Variants in AGK observed in about 807,000 individuals in gnomAD.
AGK encodes the protein acylglycerol kinase.
Under a neutral mutation model 66.4 loss-of-function variants are expected in AGK, and 52 were observed. The observed-to-expected ratio is 0.78, with a 90% CI of 0.63 to 0.99. The LOEUF is 0.99. Ranked by LOEUF, AGK falls within the 50% of genes least tolerant of loss-of-function variation. The probability of loss-of-function intolerance (pLI) is 0.00; values close to 1 mark genes in which losing one functional copy is unlikely to be tolerated. For synonymous variants in AGK, 182 were observed against 181.1 expected (o/e 1.00, Z -0.04); for missense variants, 451 against 506.6 (o/e 0.89, Z 1.05).
chr7:141,608,125 AT>A (rs1334907008), intron 5 of AGK, among the ~76,000 whole-genome samples: 3 of 152,194 alleles, frequency 2.0e-5, no homozygotes, highest in Non-Finnish European at 2.9e-5. Context: ...AAAGAGCTTC[AT>A]TTCAAGGTTT....
chr7:141,621,608 G>C, intron 8 of AGK, 124 bp from the exon 9 acceptor site: 1 of 691,932 alleles, frequency 1.4e-6, no homozygotes, highest in Non-Finnish European at 2.6e-6. Context: ...GAGAGAGAGA[G>C]GGAGAGAGAG....
chr7:141,562,635 A>G (rs1472877346), intron 2 of AGK, among the ~76,000 whole-genome samples: 1 of 152,166 alleles, frequency 6.6e-6, no homozygotes, highest in African/African-American at 2.4e-5. Context: ...GAAGTAGGGG[A>G]TAACTGATAG....
At chr7:141,636,255 G>A (rs1429255219) in intron 10 of AGK, among the ~76,000 whole-genome samples, 1 of 152,166 alleles carries the variant, frequency 6.6e-6, no homozygotes, top group Non-Finnish European at 1.5e-5. Flanking sequence ...TGGTGTACAG[G>A]ATCTAGTCAT....
At chr7:141,650,689 C>T (rs1419440681) in intron 14 of AGK, 2 of 985,148 alleles carry the variant, frequency 2.0e-6, no homozygotes, top group African/African-American at 1.7e-5. Flanking sequence ...GGAAATTTTA[C>T]TCCATAGTCA....
At chr7:141,556,892 G>A (rs1198860401) in intron 2 of AGK, among the ~76,000 whole-genome samples, 2 of 152,208 alleles carry the variant, frequency 1.3e-5, no homozygotes, top group African/African-American at 4.8e-5. Flanking sequence ...CTTCCTGCAT[G>A]GAGGGAGAAG....
rs375721968 is a variant in AGK, at chr7:141,596,894, T to C, written c.221+253T>C. 213 of 454,320 alleles carry C rather than the reference T, an allele frequency of 4.7e-4. 4 individuals are homozygous for C. The South Asian group carries it at 6.6e-3, about 14-fold the overall frequency. The allele number at this position is 454,320 out of a possible 1,614,324, so 28.1% of individuals were successfully genotyped here. On this transcript the variant is annotated intron_variant, in intron 4 of 15. Coordinates refer to ENST00000649286, the MANE Select transcript of AGK (RefSeq NM_018238.4). Reference sequence around the variant, plus strand: ...GATTAACACCTACAAAGATGTCTTATTTGCTTGGAAGTAGTCCCCTCGGGA... The same window carrying C: ...GATTAACACCTACAAAGATGTCTTACTTGCTTGGAAGTAGTCCCCTCGGGA...
intron 3 of AGK, among the ~76,000 whole-genome samples, chr7:141,595,519 C>T (rs1796209535): frequency 6.6e-6 from 1 of 152,040 alleles, no homozygotes; most frequent in African/African-American, 2.4e-5. Flanking sequence ...AAGAAAGGCT[C>T]CAAAATGAAC....
chr7:141,608,299 A>C (rs879534424), intron 5 of AGK, among the ~76,000 whole-genome samples: 2 of 152,168 alleles, frequency 1.3e-5, no homozygotes, highest in Non-Finnish European at 2.9e-5. Context: ...GCAGATGGTC[A>C]AGGAAGGTGG....
chr7:141,590,802 C>T (rs1444053789), intron 2 of AGK, among the ~76,000 whole-genome samples: 7 of 151,912 alleles, frequency 4.6e-5, no homozygotes, highest in Non-Finnish European at 1.0e-4. Context: ...TTGGGAGGGA[C>T]GCAAGAAGAA....
chr7:141,605,913 A>G (rs1186410201), intron 5 of AGK, among the ~76,000 whole-genome samples: 1 of 152,178 alleles, frequency 6.6e-6, no homozygotes, highest in Non-Finnish European at 1.5e-5. Flanking sequence ...TATTCTTCCT[A>G]ATTTTGAGAA....
intron 5 of AGK, among the ~76,000 whole-genome samples, chr7:141,603,804 A>G (rs1263222684): frequency 6.6e-6 from 1 of 152,198 alleles, no homozygotes; most frequent in African/African-American, 2.4e-5. Context: ...TCCACTATGT[A>G]TCTTGACATG....
intron 6 of AGK, among the ~76,000 whole-genome samples, chr7:141,613,786 T>C (rs1233857408): frequency 6.6e-6 from 1 of 152,206 alleles, no homozygotes; most frequent in Non-Finnish European, 1.5e-5. Context: ...CAAAGTGCTT[T>C]TTTCCTGTAT....
intron 2 of AGK, among the ~76,000 whole-genome samples, chr7:141,571,865 G>A (rs998543915): frequency 6.6e-6 from 1 of 152,138 alleles, no homozygotes; most frequent in African/African-American, 2.4e-5. Context: ...CACAAAGAAA[G>A]CTCTCAGACA....
intron 2 of AGK, among the ~76,000 whole-genome samples, chr7:141,585,354 T>G (rs1436593093): frequency 6.6e-6 from 1 of 152,186 alleles, no homozygotes. Context: ...TGCACACACT[T>G]TTAAGATTCA....
chr7:141,644,039 C>CT (rs1797349108), intron 13 of AGK, among the ~76,000 whole-genome samples: 1 of 151,574 alleles, frequency 6.6e-6, no homozygotes. Context: ...GTAGGCAGTC[C>CT]TTTTTTACAT....
chr7:141,590,711 A>G (rs1796095183), intron 2 of AGK, among the ~76,000 whole-genome samples: 1 of 152,190 alleles, frequency 6.6e-6, no homozygotes, highest in South Asian at 2.1e-4. Context: ...ATATTTCGCT[A>G]GTTTCTACCC....
chr7:141,585,671 A>G (rs966646926), intron 2 of AGK, among the ~76,000 whole-genome samples: 2 of 152,204 alleles, frequency 1.3e-5, no homozygotes, highest in African/African-American at 2.4e-5. Context: ...TTGGAATAAC[A>G]ACTTGTCTTA....
At chr7:141,586,001 G>T (rs1351625802) in intron 2 of AGK, among the ~76,000 whole-genome samples, 1 of 152,056 alleles carries the variant, frequency 6.6e-6, no homozygotes, top group Non-Finnish European at 1.5e-5. Context: ...AATTTATAGA[G>T]TGTACTTTTT....
intron 13 of AGK, among the ~76,000 whole-genome samples, chr7:141,646,913 A>G (rs1797424803): frequency 1.3e-5 from 2 of 152,158 alleles, no homozygotes; most frequent in South Asian, 4.1e-4. Context: ...TTCTAGCTGA[A>G]GTGTGGCTCT....
Sources: allele counts gnomAD v4.1 joint callset (sites outside exome capture counted in the v4.1 genomes callset), GRCh38; gene constraint gnomAD v4.1.1; transcripts MANE v1.5; gene names NCBI Gene and HGNC (gene_info 2026-07-23, HGNC 2026-07-21).